THBS4: variants seen among roughly 807,000 people sequenced by gnomAD.
The protein encoded by THBS4 is thrombospondin-4.
In THBS4, 90 loss-of-function variants were observed where a neutral mutation model predicts 115.7. The observed-to-expected ratio is 0.78, with a 90% CI of 0.66 to 0.93. THBS4 has a LOEUF of 0.93. Ranked by LOEUF, THBS4 falls within the 40% of genes least tolerant of loss-of-function variation. The pLI, the probability that THBS4 is intolerant of heterozygous loss-of-function variation, is 0.00. For missense variants in THBS4, 1,087 were observed against 1,232.7 expected (o/e 0.88, Z 1.77); for synonymous variants, 460 against 479.3 (o/e 0.96, Z 0.53).
chr5:80,013,880 A>G (rs1403847731), intron 2 of THBS4, among the ~76,000 whole-genome samples: 4 of 152,224 alleles, frequency 2.6e-5, no homozygotes, highest in Admixed American at 6.5e-5. Context: ...GACAGTTCTA[A>G]TAGTAGATAC....
At chr5:80,031,168 GA>G (rs904866454), upstream of THBS4, among the ~76,000 whole-genome samples, 2 of 152,162 alleles carry the variant, frequency 1.3e-5, no homozygotes, top group Admixed American at 6.5e-5. Context: ...AAGCTGGTCT[GA>G]AAACTAGAGA....
chr5:80,066,710 A>G (rs750307295), intron 9 of THBS4: 16 of 152,252 alleles, frequency 1.1e-4, no homozygotes, highest in Non-Finnish European at 1.5e-4. Context: ...TTGCTTAGGA[A>G]TAGATGGGGA....
At chr5:80,013,743 C>T (rs1832192573) in intron 2 of THBS4, among the ~76,000 whole-genome samples, 1 of 152,170 alleles carries the variant, frequency 6.6e-6, no homozygotes, top group Non-Finnish European at 1.5e-5. Flanking sequence ...TGTATCCCCT[C>T]TAAGACTTCA....
intron 2 of THBS4, among the ~76,000 whole-genome samples, chr5:80,003,528 T>G (rs1048171199): frequency 2.6e-5 from 4 of 152,272 alleles, no homozygotes; most frequent in African/African-American, 9.6e-5. Flanking sequence ...GCAGCTGCCA[T>G]GGTATTCTCA....
intron 2 of THBS4, among the ~76,000 whole-genome samples, chr5:80,020,696 T>G (rs779379852): frequency 1.1e-4 from 16 of 152,062 alleles, no homozygotes; most frequent in Non-Finnish European, 2.1e-4. Context: ...TTCAGAGTCA[T>G]CACACCCAGC....
intron 2 of THBS4, among the ~76,000 whole-genome samples, chr5:80,026,507 C>T (rs1245686950): frequency 6.6e-6 from 1 of 152,136 alleles, no homozygotes; most frequent in East Asian, 1.9e-4. Flanking sequence ...TGTAAAGGAC[C>T]AGAGAGTAAA....
intron 2 of THBS4, among the ~76,000 whole-genome samples, chr5:80,017,146 A>G (rs901306822): frequency 6.6e-6 from 1 of 152,220 alleles, no homozygotes; most frequent in Non-Finnish European, 1.5e-5. Flanking sequence ...ATTAAAATGG[A>G]GGCCAATGTT....
chr5:79,993,235 G>A (rs1049784110), intron 1 of THBS4, among the ~76,000 whole-genome samples: 2 of 152,188 alleles, frequency 1.3e-5, no homozygotes, highest in African/African-American at 4.8e-5. Context: ...CATTGCATCT[G>A]ATGAAAGAAT....
At chr5:80,063,162 G>A (rs571406187) in intron 8 of THBS4, among the ~76,000 whole-genome samples, 2 of 152,196 alleles carry the variant, frequency 1.3e-5, no homozygotes. Flanking sequence ...CAGTGTAAAA[G>A]TGTTCCTATT....
chr5:80,010,061 A>C (rs1393884672), intron 2 of THBS4, among the ~76,000 whole-genome samples: 1 of 152,196 alleles, frequency 6.6e-6, no homozygotes, highest in Non-Finnish European at 1.5e-5. Context: ...TGAGCCCAGA[A>C]GTTGAAGGCT....
chr5:80,076,749 A>G, intron 15 of THBS4, 106 bp from the exon 16 acceptor site: 1 of 1,210,208 alleles, frequency 8.3e-7, no homozygotes, highest in Non-Finnish European at 1.1e-6. Flanking sequence ...TTAAGAGCCA[A>G]CCCTGGTTTA....
upstream of THBS4, chr5:80,033,043 A>G: frequency 5.8e-6 from 1 of 170,982 alleles, no homozygotes; most frequent in Non-Finnish European, 1.4e-5. Context: ...TGTGCTCAAG[A>G]ACACCGTGCG....
At chr5:80,016,164 C>A (rs1832246327) in intron 2 of THBS4, among the ~76,000 whole-genome samples, 2 of 152,214 alleles carry the variant, frequency 1.3e-5, no homozygotes, top group Admixed American at 1.3e-4. Context: ...AATTCCCTTT[C>A]TGATTGACAT....
chr5:80,018,530 G>A (rs1832297099), intron 2 of THBS4, among the ~76,000 whole-genome samples: 1 of 150,984 alleles, frequency 6.6e-6, no homozygotes, highest in African/African-American at 2.4e-5. Flanking sequence ...TAGTAGCTGA[G>A]ATTAGAGGCA....
Position 80,040,295 on chromosome 5 carries a change from T to C in THBS4, c.292+15T>C. The C allele has an allele frequency of 6.3e-7, 1 of 1,592,954 alleles. No individual in the cohort carries two copies. Among genetic ancestry groups the C allele is most frequent in the Non-Finnish European group, 8.6e-7 (1 of 1,164,900 alleles). On this transcript the variant is annotated intron_variant, in intron 2 of 21. Coordinates refer to ENST00000350881, the MANE Select transcript of THBS4 (RefSeq NM_003248.6). ...CTTAAACAAAGGTAAGCAAATTTGC[T>C]GAAATTATTTTCTTAAAAATCTCCT...
chr5:80,077,215 T>C (rs190892709), intron 16 of THBS4, among the ~76,000 whole-genome samples, 167 bp downstream of exon 16: 94 of 152,352 alleles, frequency 6.2e-4, no homozygotes, highest in Non-Finnish European at 1.1e-3. Flanking sequence ...GGACAGCAGA[T>C]ATCTGGTAGA....
intron 14 of THBS4, 83 bp from the exon 15 acceptor site, chr5:80,073,192 G>A: frequency 7.1e-7 from 1 of 1,400,970 alleles, no homozygotes; most frequent in South Asian, 1.2e-5. Flanking sequence ...CAAATCCAAT[G>A]ATGATGGGTG....
At position 80,019,041 on chromosome 5, in the gene THBS4, G is replaced by GTT. The variant is rs537532061; in HGVS notation, n.177+20628_177+20629dup. Among the ~76,000 whole-genome samples the GTT allele has an allele frequency of 3.9e-3, 533 of 134,972 alleles. 4 individuals carry two copies. Among genetic ancestry groups the GTT allele is most frequent in the African/African-American group, 7.0e-3 (260 of 37,298 alleles). 88.5% of individuals were successfully genotyped at this position (134,972 alleles called of 152,430 possible). A position where few individuals can be genotyped will look rare whatever the true frequency, so the allele number is the denominator to read the frequency against. ...AGGACTACCAGTTCTCTCTGTGATT[G>GTT]TTTTTTTTTTTTTTTCTTGTCATGC... On this transcript the variant is annotated intron_variant and non_coding_transcript_variant, in intron 2 of 3. Transcript: ENST00000510218.
chr5:80,065,546 T>A (rs987078342), intron 9 of THBS4, 69 bp downstream of exon 9: 5 of 1,455,552 alleles, frequency 3.4e-6, no homozygotes, highest in Non-Finnish European at 4.8e-6. Context: ...TGTTTATAGA[T>A]CATAGCTTCC....
Sources: allele counts gnomAD v4.1 joint callset (sites outside exome capture counted in the v4.1 genomes callset), GRCh38; gene constraint gnomAD v4.1.1; transcripts MANE v1.5; gene names NCBI Gene and HGNC (gene_info 2026-07-23, HGNC 2026-07-21).